Variants in ATL3 observed in about 807,000 individuals in gnomAD.
ATL3 encodes the protein atlastin-3.
In ATL3, 49 loss-of-function variants were observed where a neutral mutation model predicts 69.5. The ratio of observed to expected loss-of-function variants is 0.71; its 90% CI spans 0.56 to 0.89. ATL3 has a LOEUF of 0.89. Among genes scored for constraint, ATL3 ranks in the 40% least tolerant of loss-of-function variants. The probability of loss-of-function intolerance (pLI) is 0.00; values close to 1 mark genes in which losing one functional copy is unlikely to be tolerated. For missense variants in ATL3, 606 were observed against 645.7 expected, an observed-to-expected ratio of 0.94 and a Z score of 0.67; for synonymous variants, 214 against 224.1, an observed-to-expected ratio of 0.95 and a Z score of 0.40.
At chr11:63,633,454 C>A (rs1215908182) in intron 10 of ATL3, among the ~76,000 whole-genome samples, 1 of 151,938 alleles carries the variant, frequency 6.6e-6, no homozygotes, top group Admixed American at 6.6e-5. Flanking sequence ...GTCACCCAGG[C>A]TGGAGTTCAG....
At chr11:63,654,893 C>CT (rs1940194615) in intron 3 of ATL3, among the ~76,000 whole-genome samples, 2 of 136,522 alleles carry the variant, frequency 1.5e-5, no homozygotes, top group Admixed American at 1.5e-4. Context: ...GCAAGACTGT[C>CT]TAAAAAAAAA....
At position 63,665,345 on chromosome 11, in the gene ATL3, C is replaced by CAA. The variant is rs1234905053; in HGVS notation, c.46+5943_46+5944dup. 1.9e-3 allele frequency among the ~76,000 whole-genome samples: 140 copies of CAA among 75,226 alleles called. 1 individual carries two copies. The highest frequency in any genetic ancestry group is 6.2e-3 in the African/African-American group (135 of 21,810). 49.4% of individuals were successfully genotyped at this position (75,226 alleles called of 152,430 possible). A position where few individuals can be genotyped will look rare whatever the true frequency, so the allele number is the denominator to read the frequency against. On this transcript the variant is annotated intron_variant, in intron 1 of 12. Transcript: ENST00000398868. The stretch of plus-strand genomic sequence containing the variant: ...TGGGTGACAGAGTGAGACTCCATCT[C>CAA]AAAAAAAAAAAAAAAAAAGAAGAAT...
intron 12 of ATL3, 64 bp downstream of exon 12, chr11:63,630,976 T>G (rs1939293408): frequency 6.7e-7 from 1 of 1,496,248 alleles, no homozygotes; most frequent in African/African-American, 1.4e-5. Context: ...CTGAGATATT[T>G]TACAACAGAA....
chr11:63,634,094 C>A (rs1273746752), intron 10 of ATL3, among the ~76,000 whole-genome samples: 7 of 149,634 alleles, frequency 4.7e-5, no homozygotes, highest in Admixed American at 4.0e-4. Flanking sequence ...CGCCTGTAAT[C>A]CCAGCACTTT....
intron 3 of ATL3, among the ~76,000 whole-genome samples, chr11:63,653,114 T>A (rs1205100000): frequency 6.6e-6 from 1 of 151,932 alleles, no homozygotes; most frequent in East Asian, 1.9e-4. Context: ...GTGGATCACT[T>A]GAGGCCAGGA....
intron 3 of ATL3, 104 bp from the exon 4 acceptor site, chr11:63,652,679 T>A: frequency 1.4e-6 from 1 of 721,428 alleles, no homozygotes; most frequent in South Asian, 2.2e-5. Context: ...GTACAGGTAA[T>A]GTTTATGTGA....
intron 3 of ATL3, among the ~76,000 whole-genome samples, chr11:63,653,001 G>A (rs949239462): frequency 4.6e-5 from 7 of 151,820 alleles, no homozygotes; most frequent in African/African-American, 1.7e-4. Flanking sequence ...ACCAGCCTGG[G>A]CAACATAGTG....
In ATL3 at chr11:63,659,028, T is replaced by G; in HGVS notation, c.261+10A>C. Reference sequence around the variant, plus strand: ...CACTTTTTACTTGAAATAAAATAATTCTATCTTACCTGAGAATATAAGTAT... The same window carrying G: ...CACTTTTTACTTGAAATAAAATAATGCTATCTTACCTGAGAATATAAGTAT... On this transcript the variant is annotated intron_variant, in intron 2 of 12. Coordinates refer to ENST00000398868, the MANE Select transcript of ATL3 (RefSeq NM_015459.5). 6.2e-7 allele frequency: 1 copy of G among 1,613,030 alleles called. No individual in the cohort carries two copies. The highest frequency in any genetic ancestry group is 8.5e-7 in the Non-Finnish European group (1 of 1,179,112).
At chr11:63,652,844 C>T (rs1940122833) in intron 3 of ATL3, among the ~76,000 whole-genome samples, 1 of 152,144 alleles carries the variant, frequency 6.6e-6, no homozygotes, top group African/African-American at 2.4e-5. Flanking sequence ...AAGCAATTAG[C>T]TTATCACCCA....
chr11:63,650,156 T>C (rs545485238), intron 5 of ATL3, among the ~76,000 whole-genome samples: 116 of 152,282 alleles, frequency 7.6e-4, no homozygotes, highest in Non-Finnish European at 1.5e-3. Flanking sequence ...GACAAGTTTA[T>C]AATTCTCATT....
At position 63,629,281 on chromosome 11, in the gene ATL3, G is replaced by C. The variant is rs760334723; in HGVS notation, c.*38C>G. ...TGGCAGAAACCCAGAAATCAGTAGG[G>C]GCTTGTTGTGTTCTTGTTTGATCTT... On this transcript the variant is annotated 3_prime_UTR_variant, in exon 13 of 13. Transcript: ENST00000398868. The C allele has an allele frequency of 1.6e-5, 24 of 1,546,690 alleles. No homozygotes were observed. Among genetic ancestry groups the C allele is most frequent in the Admixed American group, 3.3e-5 (2 of 59,874 alleles).
chr11:63,650,180 T>A (rs1940026678), intron 5 of ATL3, among the ~76,000 whole-genome samples: 1 of 152,174 alleles, frequency 6.6e-6, no homozygotes, highest in Non-Finnish European at 1.5e-5. Flanking sequence ...AATGAGATAA[T>A]GTTTATAACA....
At chr11:63,643,209 C>A in intron 8 of ATL3, 148 bp downstream of exon 8, 1 of 820,324 alleles carries the variant, frequency 1.2e-6, no homozygotes, top group South Asian at 2.7e-5. Context: ...CTCAGTAAGT[C>A]AGGAGCAAAA....
intron 10 of ATL3, among the ~76,000 whole-genome samples, 182 bp from the exon 11 acceptor site, chr11:63,633,279 A>G (rs1451551685): frequency 4.6e-5 from 7 of 152,188 alleles, no homozygotes; most frequent in Non-Finnish European, 7.3e-5. Flanking sequence ...ATTTTCTACC[A>G]AAAAAAGGTA....
Position 63,625,184 on chromosome 11 carries a change from T to G in ATL3, c.*4135A>C, listed in dbSNP as rs1939064666. On this transcript the variant is annotated 3_prime_UTR_variant, in exon 13 of 13. Coordinates refer to ENST00000398868, the MANE Select transcript of ATL3 (RefSeq NM_015459.5). ...GGCTTCTTAATGTCATTTTTAAAAA[T>G]TAATCACACAAATAGTTTGTACTTT... The G allele has an allele frequency of 6.6e-6, 1 of 151,978 alleles. No homozygotes were observed. Among genetic ancestry groups the G allele is most frequent in the East Asian group, 1.9e-4 (1 of 5,200 alleles). The allele number at this position is 151,978 out of a possible 1,614,324, so 9.4% of individuals were successfully genotyped here.
chr11:63,663,662 TGAG>T (rs1185242434), intron 1 of ATL3, among the ~76,000 whole-genome samples: 1 of 152,160 alleles, frequency 6.6e-6, no homozygotes, highest in African/African-American at 2.4e-5. Context: ...AAAGAACTAA[TGAG>T]AAGAATTTAT....
intron 5 of ATL3, among the ~76,000 whole-genome samples, chr11:63,648,224 G>A (rs3892682): frequency 2.6e-5 from 4 of 152,156 alleles, no homozygotes; most frequent in Non-Finnish European, 5.9e-5. Flanking sequence ...TCCACATAGT[G>A]AGCAGTGGGA....
intron 1 of ATL3, among the ~76,000 whole-genome samples, chr11:63,666,191 C>A (rs1188928298): frequency 6.6e-6 from 1 of 152,060 alleles, no homozygotes. Flanking sequence ...TACAGGTACC[C>A]ACCACCACGC....
rs1280272954 is a variant in ATL3 at position 63,632,888 on chromosome 11, C to T, written c.1107+138G>A. 28 of 818,050 alleles carry T rather than the reference C, an allele frequency of 3.4e-5. No homozygotes were observed. In the South Asian group the frequency reaches 3.4e-4, roughly 10 times the overall value. The allele number at this position is 818,050 out of a possible 1,614,324, so 50.7% of individuals were successfully genotyped here. ...GAAATGGTAATAATTAGAAGGCCCC[C>T]GTTACCAGGACAACCTGAATATAAG... On this transcript the variant is annotated intron_variant, in intron 11 of 12. Coordinates refer to ENST00000398868, the MANE Select transcript of ATL3 (RefSeq NM_015459.5).
Sources: allele counts gnomAD v4.1 joint callset (sites outside exome capture counted in the v4.1 genomes callset), GRCh38; gene constraint gnomAD v4.1.1; transcripts MANE v1.5; gene names NCBI Gene and HGNC (gene_info 2026-07-23, HGNC 2026-07-21).